Variants in GPC6 observed in about 807,000 individuals in gnomAD.
GPC6 encodes glypican 6, also known as glypican-6.
In GPC6, 14 loss-of-function variants were observed where a neutral mutation model predicts 55.2. That is an observed-to-expected ratio of 0.25 (90% CI 0.17 to 0.40). The LOEUF (loss-of-function observed/expected upper bound fraction) is 0.40, where lower values mean the gene tolerates loss of function less well. GPC6 is among the 10% of genes least tolerant of loss of function. The probability of loss-of-function intolerance (pLI) is 1.00; values close to 1 mark genes in which losing one functional copy is unlikely to be tolerated. For synonymous variants in GPC6, 278 were observed against 259.6 expected, an observed-to-expected ratio of 1.07 and a Z score of -0.68; for missense variants, 641 against 708.5, an observed-to-expected ratio of 0.90 and a Z score of 1.08.
At position 93,554,291 on chromosome 13, in the gene GPC6, A is replaced by T. The variant is rs541929757; in HGVS notation, c.319+8870A>T. Among the ~76,000 whole-genome samples, 13 of 152,360 alleles carry T rather than the reference A, an allele frequency of 8.5e-5. 1 individual carries two copies. The highest frequency in any genetic ancestry group is 3.1e-4 in the African/African-American group (13 of 41,596). On this transcript the variant is annotated intron_variant, in intron 2 of 8. Transcript: ENST00000377047. The stretch of plus-strand genomic sequence containing the variant: ...GTATATTCAACAGTAAATTATACAG[A>T]GCACGTCATTTTCAAATTGCAAACC...
At chr13:94,301,546 G>A (rs1875652507) in intron 5 of GPC6, among the ~76,000 whole-genome samples, 1 of 152,086 alleles carries the variant, frequency 6.6e-6, no homozygotes, top group African/African-American at 2.4e-5. Context: ...TTAACTATCA[G>A]GTATGTACTT....
chr13:93,423,216 T>C (rs7987318), intron 1 of GPC6, among the ~76,000 whole-genome samples: 10,665 of 152,142 alleles, frequency 0.07, 441 homozygotes, highest in Non-Finnish European at 0.078. Flanking sequence ...GAAAAATTAA[T>C]AAAAATAACC....
At chr13:94,086,028 T>A (rs960795573) in intron 4 of GPC6, among the ~76,000 whole-genome samples, 5 of 152,188 alleles carry the variant, frequency 3.3e-5, no homozygotes, top group African/African-American at 1.2e-4. Flanking sequence ...CATGTTCTTT[T>A]CTCTTTTTTT....
intron 1 of GPC6, among the ~76,000 whole-genome samples, chr13:93,359,565 A>G (rs1185473048): frequency 6.6e-6 from 1 of 152,246 alleles, no homozygotes; most frequent in Non-Finnish European, 1.5e-5. Flanking sequence ...GCAAACTGCA[A>G]TGGGGAAAAT....
intron 2 of GPC6, among the ~76,000 whole-genome samples, chr13:93,592,399 A>G (rs1195705574): frequency 7.1e-6 from 1 of 141,734 alleles, no homozygotes; most frequent in Non-Finnish European, 1.5e-5. Context: ...ATATTAATAT[A>G]TAAATATAAA....
intron 3 of GPC6, among the ~76,000 whole-genome samples, chr13:93,944,140 G>A (rs1358979221): frequency 6.6e-6 from 1 of 151,848 alleles, no homozygotes; most frequent in Non-Finnish European, 1.5e-5. Context: ...GTCTATATAA[G>A]CTGAAACAAA....
chr13:94,249,595 A>G (rs114754419), intron 4 of GPC6, among the ~76,000 whole-genome samples: 1,963 of 152,274 alleles, frequency 0.013, 45 homozygotes, highest in African/African-American at 0.045. Context: ...TATTATCCAA[A>G]TTTTATGGAG....
intron 1 of GPC6, among the ~76,000 whole-genome samples, chr13:93,543,167 A>G (rs1882397943): frequency 6.6e-6 from 1 of 152,116 alleles, no homozygotes; most frequent in African/African-American, 2.4e-5. Context: ...GGTTTGTCAT[A>G]GATAGCTCTT....
intron 6 of GPC6, among the ~76,000 whole-genome samples, chr13:94,381,976 T>C (rs1228747635): frequency 6.6e-6 from 1 of 152,252 alleles, no homozygotes; most frequent in South Asian, 2.1e-4. Flanking sequence ...TATTTATTTT[T>C]TGCAGAAACA....
intron 2 of GPC6, among the ~76,000 whole-genome samples, chr13:93,700,195 CTG>C (rs1475765233): frequency 1.3e-5 from 2 of 152,098 alleles, no homozygotes; most frequent in Non-Finnish European, 2.9e-5. Context: ...ACTTCAGTTT[CTG>C]TGTTTTATAC....
At chr13:94,083,152 T>A in intron 4 of GPC6, among the ~76,000 whole-genome samples, 1 of 152,204 alleles carries the variant, frequency 6.6e-6, no homozygotes, top group Admixed American at 6.5e-5. Flanking sequence ...GGAGTCTCGC[T>A]GTGTTGCCCA....
At chr13:94,322,135 T>C (rs1359650546) in intron 6 of GPC6, among the ~76,000 whole-genome samples, 1 of 152,178 alleles carries the variant, frequency 6.6e-6, no homozygotes, top group Non-Finnish European at 1.5e-5. Flanking sequence ...GGGGGCAGTT[T>C]CCCCCATACT....
chr13:93,289,959 A>C (rs748654100), intron 1 of GPC6, among the ~76,000 whole-genome samples: 3 of 152,162 alleles, frequency 2.0e-5, no homozygotes, highest in Non-Finnish European at 4.4e-5. Context: ...GTAAAGAGAC[A>C]TTTTCTGTTA....
At position 94,325,818 on chromosome 13, in the gene GPC6, C is replaced by T. The variant is rs1001758748; in HGVS notation, c.1152+19695C>T. Among the ~76,000 whole-genome samples, 16 of 152,162 alleles carry T rather than the reference C, an allele frequency of 1.1e-4. 2 individuals carry two copies. Among genetic ancestry groups the T allele is most frequent in the Admixed American group, 2.6e-4 (4 of 15,272 alleles). On this transcript the variant is annotated intron_variant, in intron 6 of 8. Transcript: ENST00000377047. ...CCATGTTTGGCTTTGAGCTGACTCACGCCAAGGCTAAAAGCAAGATAACTT... is the reference window on the plus strand; with the variant it reads ...CCATGTTTGGCTTTGAGCTGACTCATGCCAAGGCTAAAAGCAAGATAACTT...
chr13:94,194,049 G>A (rs545650163), intron 4 of GPC6, among the ~76,000 whole-genome samples: 1 of 152,238 alleles, frequency 6.6e-6, no homozygotes, highest in East Asian at 1.9e-4. Flanking sequence ...GGAAATTTAG[G>A]GTAAACAGGC....
chr13:93,789,507 CTCTATA>C (rs781443813), intron 2 of GPC6, among the ~76,000 whole-genome samples: 13,648 of 89,796 alleles, frequency 0.15, 1,080 homozygotes, highest in Non-Finnish European at 0.19. Context: ...CTCTCTCTCT[CTCTATA>C]TATATATATA....
chr13:94,046,771 T>TA (rs1212731048), intron 4 of GPC6, among the ~76,000 whole-genome samples: 3 of 152,142 alleles, frequency 2.0e-5, no homozygotes, highest in Non-Finnish European at 4.4e-5. Flanking sequence ...AGGTTACATT[T>TA]AAATAAACCT....
chr13:94,337,509 G>T (rs544184864), intron 6 of GPC6, among the ~76,000 whole-genome samples: 1 of 151,138 alleles, frequency 6.6e-6, no homozygotes, highest in African/African-American at 2.4e-5. Flanking sequence ...GTGCAGTGGC[G>T]CAATCTCAGC....
At chr13:93,899,639 G>A (rs942095436) in intron 3 of GPC6, among the ~76,000 whole-genome samples, 1 of 152,022 alleles carries the variant, frequency 6.6e-6, no homozygotes, top group African/African-American at 2.4e-5. Context: ...GGAAATGGTT[G>A]GCAGTACAAT....
Sources: gnomAD v4.1 joint callset for allele counts (sites outside exome capture counted in the v4.1 genomes callset) on GRCh38, gnomAD v4.1.1 for gene constraint, MANE v1.5 for transcripts, NCBI Gene and HGNC (gene_info 2026-07-23, HGNC 2026-07-21) for gene names.